Variants in OLA1 observed in about 807,000 individuals in gnomAD.
The protein encoded by OLA1 is obg-like ATPase 1.
Under a neutral mutation model 48.4 loss-of-function variants are expected in OLA1, and 14 were observed. That is an observed-to-expected ratio of 0.29 (90% CI 0.19 to 0.45). OLA1 has a LOEUF of 0.45. Ranked by LOEUF, OLA1 falls within the 20% of genes least tolerant of loss-of-function variation. The pLI is 1.00. For missense variants in OLA1, 325 were observed against 467.1 expected, an observed-to-expected ratio of 0.70 and a Z score of 2.80; for synonymous variants, 127 against 150.4, an observed-to-expected ratio of 0.84 and a Z score of 1.14.
chr2:174,200,407 T>C (rs187794258), intron 4 of OLA1, among the ~76,000 whole-genome samples: 15 of 152,240 alleles, frequency 9.9e-5, no homozygotes, highest in East Asian at 3.9e-4. Flanking sequence ...GTGAGAAAGA[T>C]TATAGCAGTT....
rs75706204 is a variant in OLA1 at position 174,128,261 on chromosome 2, G to T, written c.550-4586C>A. On this transcript the variant is annotated intron_variant, in intron 5 of 10. Coordinates refer to ENST00000284719, the MANE Select transcript of OLA1 (RefSeq NM_013341.5). ...TAAAAAAATAAAAAATTAACTGGGC[G>T]TGGTGGTGTGTGTCTGTAGTTCCAG... 1.3e-3 allele frequency among the ~76,000 whole-genome samples: 202 copies of T among 151,516 alleles called. 2 individuals carry two copies. The highest frequency in any genetic ancestry group is 4.1e-3 in the African/African-American group (169 of 41,250).
At chr2:174,146,286 T>A (rs1478338244) in intron 4 of OLA1, among the ~76,000 whole-genome samples, 1 of 152,122 alleles carries the variant, frequency 6.6e-6, no homozygotes, top group Non-Finnish European at 1.5e-5. Context: ...GAAGGCAGGG[T>A]GATAAGATAA....
chr2:174,121,938 T>C (rs1020860304), intron 7 of OLA1, among the ~76,000 whole-genome samples: 17 of 152,206 alleles, frequency 1.1e-4, no homozygotes, highest in African/African-American at 3.4e-4. Context: ...CAGGAAACCT[T>C]ACCATTCATA....
At chr2:174,124,939 C>A (rs974521999) in intron 5 of OLA1, among the ~76,000 whole-genome samples, 1 of 152,092 alleles carries the variant, frequency 6.6e-6, no homozygotes, top group Non-Finnish European at 1.5e-5. Flanking sequence ...CAGATTTTAA[C>A]AAGGAAGGGG....
At chr2:174,131,293 T>C (rs1340893289) in intron 5 of OLA1, among the ~76,000 whole-genome samples, 1 of 152,156 alleles carries the variant, frequency 6.6e-6, no homozygotes, top group Non-Finnish European at 1.5e-5. Flanking sequence ...CATGTAGCAG[T>C]ATTGTGTTTT....
chr2:174,152,869 T>C (rs1229841512), intron 4 of OLA1, among the ~76,000 whole-genome samples: 1 of 152,158 alleles, frequency 6.6e-6, no homozygotes, highest in Non-Finnish European at 1.5e-5. Context: ...CATAAAATAA[T>C]CCAGTCTGTG....
intron 4 of OLA1, among the ~76,000 whole-genome samples, chr2:174,155,964 T>C (rs1306138631): frequency 6.6e-6 from 1 of 152,164 alleles, no homozygotes; most frequent in Non-Finnish European, 1.5e-5. Flanking sequence ...TCAGACTGAC[T>C]GATTAGTTGT....
chr2:174,248,293 G>A (rs1689176503), intron 1 of OLA1, 159 bp downstream of exon 1: 3 of 153,012 alleles, frequency 2.0e-5, no homozygotes, highest in African/African-American at 2.4e-5. Flanking sequence ...GCGCGGCCTA[G>A]TCCGACAGCG....
intron 4 of OLA1, among the ~76,000 whole-genome samples, chr2:174,147,206 C>G (rs1194564680): frequency 3.9e-5 from 6 of 152,050 alleles, no homozygotes; most frequent in African/African-American, 9.7e-5. Flanking sequence ...GTGGGCGGAT[C>G]ACCTGAGGTC....
At chr2:174,084,604 GT>G (rs1416076630) in intron 7 of OLA1, among the ~76,000 whole-genome samples, 4 of 152,218 alleles carry the variant, frequency 2.6e-5, no homozygotes, top group Non-Finnish European at 5.9e-5. Flanking sequence ...GGTTACAAAA[GT>G]GTGATAATGA....
Position 174,185,675 on chromosome 2 carries a change from C to G in OLA1, c.373+37358G>C, listed in dbSNP as rs142071601. Among the ~76,000 whole-genome samples the G allele has an allele frequency of 3.0e-3, 463 of 152,278 alleles. 5 individuals are homozygous for G. The highest frequency in any genetic ancestry group is 0.01 in the African/African-American group (417 of 41,554). On this transcript the variant is annotated intron_variant, in intron 4 of 10. Transcript: ENST00000284719. ...GGGCACGGTGGCTCACACCTGTAAT[C>G]CCAGCACATTGGGAGGCTGAAGTGA...
chr2:174,220,081 G>A (rs910568487), intron 4 of OLA1, among the ~76,000 whole-genome samples: 5 of 152,114 alleles, frequency 3.3e-5, no homozygotes, highest in South Asian at 4.1e-4. Flanking sequence ...TCAGTGAGCC[G>A]AGATGATGCC....
At chr2:174,231,264 T>C (rs1688722909) in intron 2 of OLA1, among the ~76,000 whole-genome samples, 1 of 152,216 alleles carries the variant, frequency 6.6e-6, no homozygotes, top group Admixed American at 6.5e-5. Flanking sequence ...AATGAAAATA[T>C]TGTATACCTA....
At chr2:174,223,765 CAAAAAAA>C (rs71021680) in intron 3 of OLA1, among the ~76,000 whole-genome samples, 11 of 73,346 alleles carry the variant, frequency 1.5e-4, no homozygotes, top group African/African-American at 2.7e-4. Context: ...GTTATATAGA[CAAAAAAA>C]AAAAAAAAAA....
At chr2:174,119,956 A>AACACACAC (rs10592077) in intron 7 of OLA1, among the ~76,000 whole-genome samples, 1 of 149,552 alleles carries the variant, frequency 6.7e-6, no homozygotes, top group East Asian at 2.0e-4. Context: ...CACACACACA[A>AACACACAC]ACACACACAC....
In OLA1 at chr2:174,143,096, A is replaced by T. The variant is rs929099498; in HGVS notation, c.374-1096T>A. On this transcript the variant is annotated intron_variant, in intron 4 of 10. Transcript: ENST00000284719. ...TTGATACAAGTTATAAATTGTTTTT[A>T]AATATAATTTCCCAGAATTAAAAAT... 3.9e-5 allele frequency among the ~76,000 whole-genome samples: 6 copies of T among 152,196 alleles called. No homozygotes were observed. In the South Asian group the frequency reaches 1.2e-3, roughly 31 times the overall value.
At chr2:174,100,670 A>G (rs1685371444) in intron 7 of OLA1, among the ~76,000 whole-genome samples, 1 of 152,180 alleles carries the variant, frequency 6.6e-6, no homozygotes, top group Non-Finnish European at 1.5e-5. Context: ...CCTCCAGAAA[A>G]AAATATTTTC....
At chr2:174,132,675 G>C (rs2105373883) in intron 5 of OLA1, among the ~76,000 whole-genome samples, 1 of 152,224 alleles carries the variant, frequency 6.6e-6, no homozygotes, top group African/African-American at 2.4e-5. Context: ...TGACTGCTAA[G>C]TTTAATTCCA....
intron 10 of OLA1, among the ~76,000 whole-genome samples, chr2:174,078,626 C>T (rs1684798841): frequency 6.6e-6 from 1 of 151,872 alleles, no homozygotes; most frequent in Non-Finnish European, 1.5e-5. Context: ...ATATATTATA[C>T]TTCAGCTATT....
Sources: gnomAD v4.1 joint callset for allele counts (sites outside exome capture counted in the v4.1 genomes callset) on GRCh38, gnomAD v4.1.1 for gene constraint, MANE v1.5 for transcripts, NCBI Gene and HGNC (gene_info 2026-07-23, HGNC 2026-07-21) for gene names.